FRAS1: variants seen among roughly 807,000 people sequenced by gnomAD.
FRAS1 encodes the protein extracellular matrix organizing protein FRAS1.
FRAS1 carries 290 observed loss-of-function variants against 435.2 expected under a neutral mutation model. The ratio of observed to expected loss-of-function variants is 0.67; its 90% CI spans 0.61 to 0.73. The LOEUF is 0.73. Ranked by LOEUF, FRAS1 falls within the 30% of genes least tolerant of loss-of-function variation. FRAS1 has a pLI of 0.00. For synonymous variants in FRAS1, 1,800 were observed against 1,851.0 expected, an observed-to-expected ratio of 0.97 and a Z score of 0.71; for missense variants, 4,860 against 5,001.5, an observed-to-expected ratio of 0.97 and a Z score of 0.85.
chr4:78,327,244 G>A (rs568189380), intron 18 of FRAS1, among the ~76,000 whole-genome samples: 3 of 152,110 alleles, frequency 2.0e-5, no homozygotes, highest in South Asian at 2.1e-4. Context: ...AAAAAGTAAC[G>A]AGAAGAAGGA....
At chr4:78,373,502 G>C (rs1731596819) in intron 24 of FRAS1, among the ~76,000 whole-genome samples, 1 of 150,422 alleles carries the variant, frequency 6.6e-6, no homozygotes, top group Non-Finnish European at 1.5e-5. Flanking sequence ...CTTAGGCCAG[G>C]AATGGTGGCT....
chr4:78,238,671 A>G (rs1294269580), intron 3 of FRAS1, among the ~76,000 whole-genome samples: 1 of 152,102 alleles, frequency 6.6e-6, no homozygotes, highest in Non-Finnish European at 1.5e-5. Context: ...TATAGGGTAA[A>G]TATTCCTAAA....
chr4:78,282,687 G>T (rs1462013078), intron 11 of FRAS1, 133 bp from the exon 12 acceptor site: 2 of 884,040 alleles, frequency 2.3e-6, no homozygotes, highest in Admixed American at 2.4e-5. Context: ...TTCTGTTTCA[G>T]AGTTAGATTT....
chr4:78,441,189 T>C lies in FRAS1; in HGVS notation c.5557T>C (p.Ser1853Pro). 1 of 1,613,884 alleles carries C rather than the reference T, an allele frequency of 6.2e-7. No homozygotes were observed. Among genetic ancestry groups the C allele is most frequent in the Non-Finnish European group, 8.5e-7 (1 of 1,179,804 alleles). Residue 1853 changes from serine to proline, a missense_variant, in exon 41 of 74, where the codon TCA (serine) becomes CCA (proline). By Grantham distance (74) the Ser-to-Pro change is moderately conservative (BLOSUM62 -1). Coordinates refer to ENST00000512123, the MANE Select transcript of FRAS1 (RefSeq NM_025074.7). ...TVDEGGRAPL[S>P]FHHFFATDDD... ...TGATGAGGGAGGGAGAGCACCACTC[T>C]CATTTCACCATTTTTTTGCTACTGA... is the stretch of plus-strand genomic sequence containing the variant.
At chr4:78,414,926 G>A (rs1365949617) in intron 32 of FRAS1, among the ~76,000 whole-genome samples, 2 of 152,184 alleles carry the variant, frequency 1.3e-5, no homozygotes, top group African/African-American at 4.8e-5. Flanking sequence ...GAGCAAATGG[G>A]AGGGCACCAA....
At chr4:78,223,654 T>C (rs981891815) in intron 2 of FRAS1, among the ~76,000 whole-genome samples, 3 of 152,128 alleles carry the variant, frequency 2.0e-5, no homozygotes, top group South Asian at 2.1e-4. Flanking sequence ...GCACAGACAA[T>C]GGTAATCTTT....
chr4:78,457,792 A>G (rs1719252129), intron 47 of FRAS1, among the ~76,000 whole-genome samples: 1 of 152,134 alleles, frequency 6.6e-6, no homozygotes, highest in Non-Finnish European at 1.5e-5. Context: ...CTTTGTACTC[A>G]CTGCCAAGTT....
At chr4:78,078,476 G>A (rs1740753855) in intron 2 of FRAS1, among the ~76,000 whole-genome samples, 1 of 152,026 alleles carries the variant, frequency 6.6e-6, no homozygotes, top group African/African-American at 2.4e-5. Flanking sequence ...TTTAGTTTGA[G>A]AATGATTAAT....
intron 2 of FRAS1, among the ~76,000 whole-genome samples, chr4:78,228,285 C>T (rs901772371): frequency 1.3e-5 from 2 of 152,142 alleles, no homozygotes; most frequent in African/African-American, 4.8e-5. Flanking sequence ...TCCCTAATAT[C>T]TGGATTACTT....
chr4:78,448,751 A>G (rs1578331272), intron 44 of FRAS1, among the ~76,000 whole-genome samples: 1 of 152,216 alleles, frequency 6.6e-6, no homozygotes, highest in African/African-American at 2.4e-5. Flanking sequence ...ACCATCATGC[A>G]TTAAAAGTGA....
At chr4:78,513,287 T>C (rs1348473369) in intron 64 of FRAS1, 105 bp from the exon 65 acceptor site, 3 of 1,122,392 alleles carry the variant, frequency 2.7e-6, no homozygotes, top group African/African-American at 1.6e-5. Flanking sequence ...GAAAAAAAAA[T>C]GGTAGCTCAT....
intron 20 of FRAS1, among the ~76,000 whole-genome samples, chr4:78,345,003 A>C (rs374222109): frequency 7.9e-5 from 12 of 152,280 alleles, no homozygotes; most frequent in African/African-American, 2.6e-4. Context: ...AAGAATCTAC[A>C]TAATTGTCAT....
At chr4:78,260,246 A>C (rs1726018692) in intron 6 of FRAS1, among the ~76,000 whole-genome samples, 3 of 151,552 alleles carry the variant, frequency 2.0e-5, no homozygotes, top group African/African-American at 7.3e-5. Flanking sequence ...GAAGAAAGTC[A>C]TTGGTAGCTT....
At chr4:78,423,612 T>C (rs1733883860) in intron 34 of FRAS1, among the ~76,000 whole-genome samples, 1 of 152,248 alleles carries the variant, frequency 6.6e-6, no homozygotes, top group Non-Finnish European at 1.5e-5. Context: ...TTTTTGATTA[T>C]GGTAAACATT....
intron 2 of FRAS1, among the ~76,000 whole-genome samples, chr4:78,230,777 G>A (rs1421273042): frequency 6.6e-6 from 1 of 152,072 alleles, no homozygotes; most frequent in Non-Finnish European, 1.5e-5. Context: ...AGTACAAGAA[G>A]GTTTGGGGAT....
chr4:78,325,923 A>G (rs74972905), intron 18 of FRAS1, among the ~76,000 whole-genome samples: 47 of 152,320 alleles, frequency 3.1e-4, no homozygotes, highest in African/African-American at 1.1e-3. Flanking sequence ...GAAAACAGTA[A>G]GTGCAAAGGC....
At chr4:78,340,390 G>C (rs1357255960) in intron 20 of FRAS1, among the ~76,000 whole-genome samples, 1 of 152,164 alleles carries the variant, frequency 6.6e-6, no homozygotes, top group Non-Finnish European at 1.5e-5. Flanking sequence ...TTCAGTTATT[G>C]AACTTTCAGA....
At chr4:78,291,709 G>C (rs1042995192) in intron 14 of FRAS1, among the ~76,000 whole-genome samples, 5 of 152,016 alleles carry the variant, frequency 3.3e-5, no homozygotes, top group African/African-American at 1.2e-4. Flanking sequence ...TTCAGTCTTT[G>C]CCTATAGTGA....
At chr4:78,406,545 A>G (rs60794969) in intron 30 of FRAS1, among the ~76,000 whole-genome samples, 1 of 152,092 alleles carries the variant, frequency 6.6e-6, no homozygotes, top group Non-Finnish European at 1.5e-5. Flanking sequence ...GGAGAATAGC[A>G]TGGGAAAGAC....
Sources: allele counts gnomAD v4.1 joint callset (sites outside exome capture counted in the v4.1 genomes callset), GRCh38; gene constraint gnomAD v4.1.1; transcripts MANE v1.5; gene names NCBI Gene and HGNC (gene_info 2026-07-23, HGNC 2026-07-21).